GALNTL6: variants seen among roughly 807,000 people sequenced by gnomAD.
The protein encoded by GALNTL6 is polypeptide N-acetylgalactosaminyltransferase like 6, also known as polypeptide N-acetylgalactosaminyltransferase-like 6.
Under a neutral mutation model 73.7 loss-of-function variants are expected in GALNTL6, and 46 were observed. The observed-to-expected ratio is 0.62, with a 90% CI of 0.49 to 0.80. GALNTL6 has a LOEUF of 0.80. Among genes scored for constraint, GALNTL6 ranks in the 30% least tolerant of loss-of-function variants. The pLI, the probability that GALNTL6 is intolerant of heterozygous loss-of-function variation, is 0.00. For synonymous variants in GALNTL6, 259 were observed against 263.7 expected, an observed-to-expected ratio of 0.98 and a Z score of 0.17; for missense variants, 604 against 755.0, an observed-to-expected ratio of 0.80 and a Z score of 2.34.
intron 5 of GALNTL6, among the ~76,000 whole-genome samples, chr4:172,698,495 C>T (rs1560888124): frequency 2.0e-5 from 3 of 152,276 alleles, no homozygotes; most frequent in East Asian, 1.9e-4. Flanking sequence ...TTGCCTCCCA[C>T]GTGGCCACAC....
At chr4:172,730,162 G>A (rs1006826116) in intron 5 of GALNTL6, among the ~76,000 whole-genome samples, 6 of 152,108 alleles carry the variant, frequency 3.9e-5, no homozygotes, top group Admixed American at 3.3e-4. Flanking sequence ...ATGTAAGAGT[G>A]TGTTTTTTGC....
At chr4:172,459,598 G>C (rs1302978477) in intron 5 of GALNTL6, among the ~76,000 whole-genome samples, 2 of 152,154 alleles carry the variant, frequency 1.3e-5, no homozygotes, top group Non-Finnish European at 2.9e-5. Flanking sequence ...AATCATGAGT[G>C]AACTCCCATT....
At chr4:172,700,509 G>A (rs1314408113) in intron 5 of GALNTL6, among the ~76,000 whole-genome samples, 1 of 152,072 alleles carries the variant, frequency 6.6e-6, no homozygotes, top group Non-Finnish European at 1.5e-5. Context: ...ACTGAAGGTA[G>A]GATTCTTCAG....
intron 5 of GALNTL6, among the ~76,000 whole-genome samples, chr4:172,554,219 C>A (rs1736063891): frequency 6.6e-6 from 1 of 152,126 alleles, no homozygotes; most frequent in African/African-American, 2.4e-5. Context: ...ATTAAGTTTA[C>A]CTCTTTGATA....
intron 5 of GALNTL6, among the ~76,000 whole-genome samples, chr4:172,554,710 A>C (rs150504385): frequency 6.6e-6 from 1 of 152,178 alleles, no homozygotes; most frequent in African/African-American, 2.4e-5. Context: ...CATTGTGGTT[A>C]TAAGAGTCAT....
chr4:172,882,076 A>G (rs1269676199), intron 7 of GALNTL6, among the ~76,000 whole-genome samples: 5 of 152,272 alleles, frequency 3.3e-5, no homozygotes, highest in African/African-American at 1.2e-4. Flanking sequence ...TATTTAGGGC[A>G]GGGCCTACCA....
At chr4:172,608,622 C>CT (rs138227359) in intron 5 of GALNTL6, among the ~76,000 whole-genome samples, 4,758 of 151,372 alleles carry the variant, frequency 0.031, 116 homozygotes, top group South Asian at 0.09. Flanking sequence ...GGATTTTTCT[C>CT]TTTTTTTTGG....
At chr4:172,577,075 T>C (rs549956309) in intron 5 of GALNTL6, among the ~76,000 whole-genome samples, 151 of 152,280 alleles carry the variant, frequency 9.9e-4, no homozygotes, top group Admixed American at 1.8e-3. Flanking sequence ...CCCATGACCA[T>C]AGGGAGCCTT....
At chr4:172,174,035 T>G (rs1033690925) in intron 2 of GALNTL6, among the ~76,000 whole-genome samples, 3 of 152,188 alleles carry the variant, frequency 2.0e-5, no homozygotes, top group African/African-American at 7.2e-5. Flanking sequence ...ATAACTTGGT[T>G]GTTTTTTTCC....
At chr4:171,875,158 T>G (rs1398107675) in intron 2 of GALNTL6, among the ~76,000 whole-genome samples, 1 of 152,146 alleles carries the variant, frequency 6.6e-6, no homozygotes, top group Non-Finnish European at 1.5e-5. Context: ...TTTTTGATGA[T>G]GATAATGTTA....
At chr4:171,931,909 A>G (rs561917407) in intron 2 of GALNTL6, among the ~76,000 whole-genome samples, 1 of 152,338 alleles carries the variant, frequency 6.6e-6, no homozygotes, top group Admixed American at 6.5e-5. Flanking sequence ...TTTGTTTTCA[A>G]AAAAAGCTTG....
At chr4:171,873,052 T>C (rs1736181659) in intron 2 of GALNTL6, among the ~76,000 whole-genome samples, 1 of 152,196 alleles carries the variant, frequency 6.6e-6, no homozygotes, top group East Asian at 1.9e-4. Context: ...GAACAAGTTA[T>C]ATGTGCATAT....
chr4:172,628,173 A>G (rs1417005537), intron 5 of GALNTL6, among the ~76,000 whole-genome samples: 1 of 151,984 alleles, frequency 6.6e-6, no homozygotes, highest in African/African-American at 2.4e-5. Context: ...CCTCTTAATC[A>G]CTTTCTTGTG....
intron 2 of GALNTL6, among the ~76,000 whole-genome samples, chr4:171,965,368 C>G (rs1264681164): frequency 6.6e-6 from 1 of 151,932 alleles, no homozygotes; most frequent in Non-Finnish European, 1.5e-5. Context: ...AAAGAAGAGT[C>G]AATGGGGGCT....
chr4:172,372,643 T>G (rs1459436892), intron 5 of GALNTL6, among the ~76,000 whole-genome samples: 1 of 152,162 alleles, frequency 6.6e-6, no homozygotes, highest in African/African-American at 2.4e-5. Context: ...AAGAAAAGTT[T>G]TGTCCTGTCA....
intron 2 of GALNTL6, among the ~76,000 whole-genome samples, chr4:172,108,999 TG>T (rs1354235699): frequency 7.9e-6 from 1 of 126,154 alleles, no homozygotes; most frequent in Non-Finnish European, 1.6e-5. Context: ...GGTGACAGAG[TG>T]AGACTCCATC....
chr4:171,855,586 A>G (rs1353597209), intron 2 of GALNTL6, among the ~76,000 whole-genome samples: 1 of 152,228 alleles, frequency 6.6e-6, no homozygotes, highest in Admixed American at 6.5e-5. Context: ...ATATTCTTGC[A>G]CAGATTTTTG....
intron 5 of GALNTL6, among the ~76,000 whole-genome samples, chr4:172,428,231 A>G (rs1371067565): frequency 1.3e-5 from 2 of 152,170 alleles, no homozygotes; most frequent in Non-Finnish European, 2.9e-5. Flanking sequence ...TTTCCTAAAT[A>G]CCTTTTAGGT....
intron 5 of GALNTL6, among the ~76,000 whole-genome samples, chr4:172,620,056 A>G (rs1483960133): frequency 2.0e-5 from 3 of 152,116 alleles, no homozygotes; most frequent in Non-Finnish European, 4.4e-5. Context: ...TTTTTTTTCC[A>G]ACAGCACTGT....
Sources: gnomAD v4.1 joint callset for allele counts (sites outside exome capture counted in the v4.1 genomes callset) on GRCh38, gnomAD v4.1.1 for gene constraint, MANE v1.5 for transcripts, NCBI Gene and HGNC (gene_info 2026-07-23, HGNC 2026-07-21) for gene names.